Variants in SKAP2 observed in about 807,000 individuals in gnomAD.
SKAP2 encodes src kinase associated phosphoprotein 2.
SKAP2 carries 28 observed loss-of-function variants against 54.9 expected under a neutral mutation model. The ratio of observed to expected loss-of-function variants is 0.51; its 90% CI spans 0.38 to 0.70. SKAP2 has a LOEUF of 0.70. SKAP2 is among the 30% of genes least tolerant of loss of function. The pLI is 0.00. For synonymous variants in SKAP2, 137 were observed against 134.3 expected (o/e 1.02, Z -0.14); for missense variants, 356 against 424.1 (o/e 0.84, Z 1.41).
chr7:26,658,416 A>G, the SKAP2 span, among the ~76,000 whole-genome samples: 4 of 152,202 alleles, frequency 2.6e-5, no homozygotes, highest in South Asian at 2.1e-4. Context: ...TTTACTAAAT[A>G]TAAGTTTCCA....
At chr7:26,784,232 T>C (rs1466359394) in intron 4 of SKAP2, among the ~76,000 whole-genome samples, 1 of 152,212 alleles carries the variant, frequency 6.6e-6, no homozygotes, top group Non-Finnish European at 1.5e-5. Flanking sequence ...TACCTCTGGC[T>C]GTTCAGGGAG....
At chr7:26,772,957 A>G (rs188293615) in intron 4 of SKAP2, among the ~76,000 whole-genome samples, 1 of 152,342 alleles carries the variant, frequency 6.6e-6, no homozygotes, top group African/African-American at 2.4e-5. Flanking sequence ...ACTCTGTTAT[A>G]CCTGCCTTTA....
intron 4 of SKAP2, among the ~76,000 whole-genome samples, chr7:26,827,570 TAA>T (rs1324200536): frequency 1.3e-5 from 2 of 152,066 alleles, no homozygotes; most frequent in Non-Finnish European, 2.9e-5. Context: ...GAATTCAAAA[TAA>T]AAAGTCCAGC....
At chr7:26,718,404 A>T (rs1178440555) in intron 9 of SKAP2, among the ~76,000 whole-genome samples, 1 of 152,116 alleles carries the variant, frequency 6.6e-6, no homozygotes, top group African/African-American at 2.4e-5. Flanking sequence ...ATGTATATTT[A>T]AAAATAGGCA....
intron 9 of SKAP2, among the ~76,000 whole-genome samples, chr7:26,724,174 T>C (rs1420966107): frequency 6.6e-5 from 10 of 152,176 alleles, no homozygotes; most frequent in Non-Finnish European, 1.0e-4. Flanking sequence ...AAATTTATAA[T>C]ATTGTTAAAA....
At chr7:26,657,157 A>G in the SKAP2 span, among the ~76,000 whole-genome samples, 2 of 152,362 alleles carry the variant, frequency 1.3e-5, no homozygotes, top group East Asian at 3.9e-4. Flanking sequence ...TAATATTTTC[A>G]AAGACATTAT....
At chr7:26,790,120 T>C (rs1365791464) in intron 4 of SKAP2, among the ~76,000 whole-genome samples, 1 of 152,238 alleles carries the variant, frequency 6.6e-6, no homozygotes, top group East Asian at 1.9e-4. Flanking sequence ...CTGTTCATTC[T>C]ATAGTTAAAC....
intron 4 of SKAP2, among the ~76,000 whole-genome samples, chr7:26,772,526 C>G (rs1783210002): frequency 6.6e-6 from 1 of 152,194 alleles, no homozygotes; most frequent in Non-Finnish European, 1.5e-5. Flanking sequence ...ATAATGGCCT[C>G]CAGCTGCATC....
In SKAP2 at chr7:26,727,866, T is replaced by C. The variant is rs541200003; in HGVS notation, c.470-860A>G. Among the ~76,000 whole-genome samples the C allele has an allele frequency of 5.3e-5, 8 of 152,292 alleles. No individual in the cohort carries two copies. In the South Asian group the frequency reaches 8.3e-4, roughly 16 times the overall value. ...ACTATACAGCTATAGGTTTATTTCC[T>C]AGATTAACAAACAATATTAAAACCA... On this transcript the variant is annotated intron_variant, in intron 6 of 12. Coordinates refer to ENST00000345317, the MANE Select transcript of SKAP2 (RefSeq NM_003930.5).
chr7:26,692,122 T>C (rs1203670703), intron 9 of SKAP2, among the ~76,000 whole-genome samples: 3 of 150,054 alleles, frequency 2.0e-5, no homozygotes, highest in African/African-American at 7.4e-5. Context: ...GCAAAGGAAA[T>C]GGAAAGGAGA....
chr7:26,782,960 G>C (rs901317620), intron 4 of SKAP2, among the ~76,000 whole-genome samples: 1 of 152,068 alleles, frequency 6.6e-6, no homozygotes, highest in Non-Finnish European at 1.5e-5. Context: ...AGCCTGAATG[G>C]ACTAAGACAC....
At chr7:26,841,808 T>C (rs978334932) in intron 4 of SKAP2, among the ~76,000 whole-genome samples, 2 of 152,026 alleles carry the variant, frequency 1.3e-5, no homozygotes, top group Non-Finnish European at 2.9e-5. Flanking sequence ...TTATAACCCA[T>C]TGAAGTTTAG....
At chr7:26,734,147 G>A (rs983921900) in intron 6 of SKAP2, among the ~76,000 whole-genome samples, 8 of 152,082 alleles carry the variant, frequency 5.3e-5, no homozygotes, top group Admixed American at 4.6e-4. Context: ...TTAAATCCTC[G>A]CTCTGCCTCT....
At chr7:26,771,269 T>C (rs188032611) in intron 4 of SKAP2, among the ~76,000 whole-genome samples, 60 of 152,312 alleles carry the variant, frequency 3.9e-4, no homozygotes, top group South Asian at 1.2e-3. Flanking sequence ...CACTCGCCTA[T>C]TGTAATCAAA....
chr7:26,693,032 T>C (rs1786818052), intron 9 of SKAP2, among the ~76,000 whole-genome samples: 1 of 152,146 alleles, frequency 6.6e-6, no homozygotes, highest in South Asian at 2.1e-4. Flanking sequence ...TTAGTGGCTT[T>C]TAAGAAGAGA....
At chr7:26,784,813 A>G (rs1014162037) in intron 4 of SKAP2, among the ~76,000 whole-genome samples, 3 of 152,210 alleles carry the variant, frequency 2.0e-5, no homozygotes, top group Non-Finnish European at 4.4e-5. Flanking sequence ...GTTAAAAATT[A>G]ATTCCCATGC....
At chr7:26,828,676 CAA>C (rs61268985) in intron 4 of SKAP2, among the ~76,000 whole-genome samples, 12 of 100,070 alleles carry the variant, frequency 1.2e-4, no homozygotes, top group Admixed American at 1.1e-4. Flanking sequence ...GACTCTGTCT[CAA>C]AAAAAAAAAA....
intron 9 of SKAP2, among the ~76,000 whole-genome samples, chr7:26,697,156 G>C (rs918368857): frequency 1.3e-5 from 2 of 152,068 alleles, no homozygotes; most frequent in African/African-American, 4.8e-5. Flanking sequence ...TGAATGACTG[G>C]ACCGAGGGCA....
chr7:26,848,496 A>G (rs1314788610), intron 3 of SKAP2, among the ~76,000 whole-genome samples: 1 of 146,160 alleles, frequency 6.8e-6, no homozygotes, highest in Admixed American at 6.9e-5. Flanking sequence ...ATTTAGTGTC[A>G]CACTTAGGTT....
Sources: gnomAD v4.1 joint callset for allele counts (sites outside exome capture counted in the v4.1 genomes callset) on GRCh38, gnomAD v4.1.1 for gene constraint, MANE v1.5 for transcripts, NCBI Gene and HGNC (gene_info 2026-07-23, HGNC 2026-07-21) for gene names.